The following RNF130 variants were observed in gnomAD, a reference collection of about 807,000 sequenced individuals.
RNF130 encodes the protein ring finger protein 130.
RNF130 carries 21 observed loss-of-function variants against 44.6 expected under a neutral mutation model. The ratio of observed to expected loss-of-function variants is 0.47; its 90% CI spans 0.33 to 0.68. The LOEUF (loss-of-function observed/expected upper bound fraction) is 0.68. Ranked by LOEUF, RNF130 falls within the 30% of genes least tolerant of loss-of-function variation. The pLI is 0.02. For missense variants in RNF130, 479 were observed against 560.6 expected (o/e 0.85, Z 1.47); for synonymous variants, 214 against 210.4 (o/e 1.02, Z -0.15).
At chr5:180,023,173 A>G (rs890747182) in intron 2 of RNF130, among the ~76,000 whole-genome samples, 1 of 152,244 alleles carries the variant, frequency 6.6e-6, no homozygotes, top group African/African-American at 2.4e-5. Flanking sequence ...AATTGGAGAC[A>G]TAAGTATGAA....
At chr5:179,979,186 C>T (rs1340451793) in intron 4 of RNF130, among the ~76,000 whole-genome samples, 5 of 151,798 alleles carry the variant, frequency 3.3e-5, no homozygotes, top group Non-Finnish European at 5.9e-5. Flanking sequence ...ACACTGTCAC[C>T]GTGGTCACCA....
intron 1 of RNF130, among the ~76,000 whole-genome samples, chr5:180,069,887 C>T (rs1765205765): frequency 1.3e-5 from 2 of 152,292 alleles, no homozygotes; most frequent in Non-Finnish European, 2.9e-5. Flanking sequence ...CAAGCTTTCT[C>T]AAAGACGGGG....
intron 7 of RNF130, among the ~76,000 whole-genome samples, chr5:179,947,622 C>T (rs550644788): frequency 2.6e-5 from 4 of 152,278 alleles, no homozygotes; most frequent in East Asian, 3.9e-4. Context: ...ATCTGTAAAA[C>T]GGAGTTAATA....
At chr5:179,931,079 T>C (rs1391377421) in intron 7 of RNF130, among the ~76,000 whole-genome samples, 11 of 151,588 alleles carry the variant, frequency 7.3e-5, no homozygotes, top group Non-Finnish European at 1.5e-5. Context: ...TGTTGAATTT[T>C]AGCAAATGCT....
chr5:179,968,052 T>C (rs569171515), intron 6 of RNF130, among the ~76,000 whole-genome samples: 1 of 147,560 alleles, frequency 6.8e-6, no homozygotes, highest in Non-Finnish European at 1.5e-5. Context: ...TCCCAGCACT[T>C]TGGGAGGCCG....
intron 2 of RNF130, among the ~76,000 whole-genome samples, chr5:180,023,986 T>C (rs977986167): frequency 2.0e-5 from 3 of 152,220 alleles, no homozygotes; most frequent in Admixed American, 2.0e-4. Flanking sequence ...AAACTTGGTA[T>C]GACAGGATGC....
intron 5 of RNF130, among the ~76,000 whole-genome samples, chr5:179,973,132 T>C (rs1762623680): frequency 6.6e-6 from 1 of 152,176 alleles, no homozygotes; most frequent in African/African-American, 2.4e-5. Flanking sequence ...CTCTGAGCAC[T>C]GAACACCCTT....
intron 2 of RNF130, among the ~76,000 whole-genome samples, chr5:180,039,417 A>C (rs1764353595): frequency 6.6e-6 from 1 of 151,948 alleles, no homozygotes. Context: ...TTTTATTTTT[A>C]GTAGAGACAG....
At chr5:179,996,737 A>C (rs1019544831) in intron 3 of RNF130, among the ~76,000 whole-genome samples, 3 of 152,162 alleles carry the variant, frequency 2.0e-5, no homozygotes, top group Non-Finnish European at 4.4e-5. Flanking sequence ...GGGATTTAAA[A>C]ATTTATGTTC....
chr5:179,990,143 C>T (rs1200401695), intron 3 of RNF130, among the ~76,000 whole-genome samples: 1 of 152,128 alleles, frequency 6.6e-6, no homozygotes, highest in Admixed American at 6.5e-5. Flanking sequence ...ACCACTACCA[C>T]CAAGATGCGG....
intron 7 of RNF130, among the ~76,000 whole-genome samples, chr5:179,943,203 A>T (rs1199072916): frequency 6.6e-6 from 1 of 152,224 alleles, no homozygotes; most frequent in Admixed American, 6.5e-5. Context: ...AAAGAAAAAA[A>T]GTCTTCCTTT....
rs1448593020 is a variant in RNF130 at position 180,055,271 on chromosome 5, A to C, written c.248-14624T>G. Among the ~76,000 whole-genome samples, 23 of 18,866 alleles carry C rather than the reference A, an allele frequency of 1.2e-3. 1 individual carries two copies. Among genetic ancestry groups the C allele is most frequent in the African/African-American group, 2.5e-3 (14 of 5,542 alleles). The allele number at this position is 18,866 out of a possible 152,430, so 12.4% of individuals were successfully genotyped here. A position where few individuals can be genotyped will look rare whatever the true frequency, so the allele number is the denominator to read the frequency against. On this transcript the variant is annotated intron_variant, in intron 1 of 8. Transcript: ENST00000521389. Reference sequence around the variant, plus strand: ...CTCAAAAAAAAAAAAAAAAAAAAAAAAAAAAAAAACAAAAAAAAACAGCAA... The same window carrying C: ...CTCAAAAAAAAAAAAAAAAAAAAAACAAAAAAAAACAAAAAAAAACAGCAA...
At chr5:179,997,141 T>A (rs1355154652) in intron 3 of RNF130, among the ~76,000 whole-genome samples, 2 of 152,226 alleles carry the variant, frequency 1.3e-5, no homozygotes, top group African/African-American at 2.4e-5. Context: ...TAGTCTTTTT[T>A]AAAATTTTAT....
intron 2 of RNF130, among the ~76,000 whole-genome samples, chr5:180,019,579 A>G (rs528260558): frequency 6.6e-6 from 1 of 152,290 alleles, no homozygotes; most frequent in African/African-American, 2.4e-5. Flanking sequence ...ATGTTCATCC[A>G]CAACTTTCAG....
At chr5:179,999,888 A>G (rs1344387921) in intron 3 of RNF130, among the ~76,000 whole-genome samples, 1 of 152,136 alleles carries the variant, frequency 6.6e-6, no homozygotes, top group Non-Finnish European at 1.5e-5. Context: ...ATTCCTATCA[A>G]TTTTTAATTG....
intron 7 of RNF130, among the ~76,000 whole-genome samples, chr5:179,925,406 C>T (rs1281013734): frequency 6.6e-6 from 1 of 152,200 alleles, no homozygotes; most frequent in African/African-American, 2.4e-5. Flanking sequence ...CACTGAACTC[C>T]AAGCTGCTTC....
intron 7 of RNF130, among the ~76,000 whole-genome samples, chr5:179,926,551 A>AC (rs1554099669): frequency 1.3e-5 from 2 of 151,890 alleles, no homozygotes; most frequent in African/African-American, 4.8e-5. Context: ...CGGGAGGCTG[A>AC]GCAGGGGAAT....
intron 8 of RNF130, among the ~76,000 whole-genome samples, chr5:179,959,119 C>G (rs1032139249): frequency 6.6e-6 from 1 of 152,086 alleles, no homozygotes; most frequent in African/African-American, 2.4e-5. Context: ...CCAGGCAATA[C>G]GGGTAAAAGA....
intron 2 of RNF130, among the ~76,000 whole-genome samples, chr5:180,028,090 A>AG (rs1206557443): frequency 2.6e-5 from 4 of 152,172 alleles, no homozygotes; most frequent in African/African-American, 9.7e-5. Flanking sequence ...ACTTAAAATT[A>AG]CTTTTGTTTT....
Sources: allele counts gnomAD v4.1 joint callset (sites outside exome capture counted in the v4.1 genomes callset), GRCh38; gene constraint gnomAD v4.1.1; transcripts MANE v1.5; gene names NCBI Gene and HGNC (gene_info 2026-07-23, HGNC 2026-07-21).